NCOR1: variants seen among roughly 807,000 people sequenced by gnomAD.
The protein encoded by NCOR1 is nuclear receptor corepressor 1.
In NCOR1, 63 loss-of-function variants were observed where a neutral mutation model predicts 288.1. That is an observed-to-expected ratio of 0.22 (90% CI 0.18 to 0.27). The LOEUF (loss-of-function observed/expected upper bound fraction) is 0.27. Ranked by LOEUF, NCOR1 falls within the 10% of genes least tolerant of loss-of-function variation. The pLI is 1.00. For synonymous variants in NCOR1, 1,007 were observed against 1,065.9 expected (o/e 0.94, Z 1.08); for missense variants, 2,397 against 3,019.2 (o/e 0.79, Z 4.83).
chr17:16,103,299 T>C (rs1357571237), intron 19 of NCOR1, among the ~76,000 whole-genome samples: 1 of 152,220 alleles, frequency 6.6e-6, no homozygotes, highest in East Asian at 1.9e-4. Flanking sequence ...CTCTAAAAAT[T>C]TCTCTTGAAT....
In NCOR1 at chr17:16,031,255, G is replaced by A. The variant is rs750648876; in HGVS notation, c.*1041C>T. Reference sequence around the variant, plus strand: ...ACTGTGTTCACCATGAGTTTTTCAGGATGCAGCATAAAGCTTATCTAAATA... The same window carrying A: ...ACTGTGTTCACCATGAGTTTTTCAGAATGCAGCATAAAGCTTATCTAAATA... On this transcript the variant is annotated 3_prime_UTR_variant, in exon 46 of 46. Transcript: ENST00000268712. The A allele has an allele frequency of 5.1e-6, 1 of 197,090 alleles. No homozygotes were observed. Among genetic ancestry groups the A allele is most frequent in the African/African-American group, 2.3e-5 (1 of 43,366 alleles). 12.2% of individuals were successfully genotyped at this position (197,090 alleles called of 1,614,324 possible).
At chr17:16,212,478 A>C (rs1429586875) in intron 1 of NCOR1, among the ~76,000 whole-genome samples, 2 of 152,266 alleles carry the variant, frequency 1.3e-5, no homozygotes, top group Non-Finnish European at 2.9e-5. Flanking sequence ...ATTCTGATCA[A>C]TCTTTACTAG....
chr17:16,116,663 C>G (rs181566027), intron 18 of NCOR1, among the ~76,000 whole-genome samples: 3 of 152,116 alleles, frequency 2.0e-5, no homozygotes, highest in Non-Finnish European at 4.4e-5. Context: ...ACTTAGAACT[C>G]GAACAATTGC....
intron 18 of NCOR1, among the ~76,000 whole-genome samples, chr17:16,110,478 G>T (rs143342298): frequency 6.6e-6 from 1 of 152,062 alleles, no homozygotes; most frequent in East Asian, 1.9e-4. Context: ...TCGCATATAC[G>T]TAAGAGTACA....
At chr17:16,215,053 G>A (rs2092435561) in intron 1 of NCOR1, among the ~76,000 whole-genome samples, 1 of 152,188 alleles carries the variant, frequency 6.6e-6, no homozygotes, top group African/African-American at 2.4e-5. Context: ...CGCAGGCCCT[G>A]TAGGCTCCGC....
At chr17:16,127,574 T>TACATATGTGTATATATGTATGTATAC (rs1568205827) in intron 14 of NCOR1, among the ~76,000 whole-genome samples, 1 of 137,998 alleles carries the variant, frequency 7.2e-6, no homozygotes, top group Non-Finnish European at 1.5e-5. Flanking sequence ...TGTATGTATA[T>TACATATGTGTATATATGTATGTATAC]ATACATATGT....
chr17:16,079,148 G>A (rs1489384571), intron 26 of NCOR1, among the ~76,000 whole-genome samples: 1 of 152,154 alleles, frequency 6.6e-6, no homozygotes, highest in East Asian at 1.9e-4. Flanking sequence ...AACACAGACT[G>A]CCAGTCCCCA....
chr17:16,211,742 C>G (rs1005667048), intron 1 of NCOR1, among the ~76,000 whole-genome samples: 1 of 151,660 alleles, frequency 6.6e-6, no homozygotes, highest in Non-Finnish European at 1.5e-5. Context: ...ACACAAGCTA[C>G]TGGGGTAGGA....
At chr17:16,044,810 G>T in intron 42 of NCOR1, 1 of 1,101,902 alleles carries the variant, frequency 9.1e-7, no homozygotes. Flanking sequence ...CTACAATGTA[G>T]GGGCTGGTGG....
At chr17:16,166,795 CA>C (rs1436574446) in intron 4 of NCOR1, among the ~76,000 whole-genome samples, 1 of 151,700 alleles carries the variant, frequency 6.6e-6, no homozygotes, top group African/African-American at 2.4e-5. Context: ...TTTGTCTTCA[CA>C]TTGTCTTTTC....
At chr17:16,145,880 G>C (rs2077908612) in intron 10 of NCOR1, among the ~76,000 whole-genome samples, 1 of 152,206 alleles carries the variant, frequency 6.6e-6, no homozygotes, top group African/African-American at 2.4e-5. Flanking sequence ...CGAGAGTAGA[G>C]GGAGATCAGA....
At chr17:16,094,693 T>C (rs944553844) in intron 21 of NCOR1, among the ~76,000 whole-genome samples, 37 of 152,272 alleles carry the variant, frequency 2.4e-4, no homozygotes, top group Middle Eastern at 3.4e-3. Flanking sequence ...GCCTGCCGAG[T>C]GCCTGCGATT....
intron 10 of NCOR1, among the ~76,000 whole-genome samples, chr17:16,145,544 C>T (rs115005413): frequency 0.056 from 7,536 of 135,650 alleles, 334 homozygotes; most frequent in African/African-American, 0.095. Context: ...GTCTCTGCCC[C>T]GCCGCCACCC....
chr17:16,072,306 A>G, intron 28 of NCOR1, 78 bp from the exon 29 acceptor site: 1 of 1,130,446 alleles, frequency 8.8e-7, no homozygotes, highest in Admixed American at 2.2e-5. Context: ...CTGTTCTTAA[A>G]GTCTATGTTT....
At chr17:16,107,219 T>G (rs1207048927) in intron 19 of NCOR1, among the ~76,000 whole-genome samples, 1 of 151,978 alleles carries the variant, frequency 6.6e-6, no homozygotes, top group Non-Finnish European at 1.5e-5. Flanking sequence ...AATACCAGAC[T>G]TGGGCTTTGT....
At chr17:16,058,242 G>A (rs963492342) in intron 38 of NCOR1, 178 bp from the exon 39 acceptor site, 36 of 868,074 alleles carry the variant, frequency 4.1e-5, no homozygotes, top group Admixed American at 6.3e-5. Context: ...CTGAGGACTA[G>A]TGGAACAAAA....
At chr17:16,055,084 A>C (rs1230433775) in intron 40 of NCOR1, among the ~76,000 whole-genome samples, 1 of 152,198 alleles carries the variant, frequency 6.6e-6, no homozygotes, top group African/African-American at 2.4e-5. Context: ...TGGGAGTGTA[A>C]ATTAGTTCAA....
chr17:16,104,303 T>G (rs2068179795), intron 19 of NCOR1, among the ~76,000 whole-genome samples: 1 of 152,218 alleles, frequency 6.6e-6, no homozygotes, highest in Admixed American at 6.5e-5. Flanking sequence ...TAATTGTATA[T>G]AATAGACAGC....
In NCOR1 at chr17:16,058,022, C is replaced by A. The variant is rs200722329; in HGVS notation, c.6053G>T (p.Arg2018Leu). 65 of 1,613,794 alleles carry A rather than the reference C, an allele frequency of 4.0e-5. No individual in the cohort carries two copies. The highest frequency in any genetic ancestry group is 5.3e-5 in the Non-Finnish European group (63 of 1,179,992). The change falls in exon 39 of 46, where the codon CGA becomes CTA. Residue 2018 changes from arginine to leucine, a missense_variant. By Grantham distance (102) the Arg-to-Leu change is moderately radical. Around this residue, in one of 11 missense-constraint regions of NCOR1, gnomAD observed 1,872 missense variants for 2,187.8 expected, o/e 0.86. Transcript: ENST00000268712. ...GGGAGATGGTGATTCCTGCTGTGGT[C>A]GATAGTGATGTAATGGTCCTTCATA... is the stretch of plus-strand genomic sequence containing the variant. ...RQYEGPLHHY[R>L]PQQESPSPQQ...
Sources: allele counts gnomAD v4.1 joint callset (sites outside exome capture counted in the v4.1 genomes callset), GRCh38; gene constraint gnomAD v4.1.1; regional missense constraint gnomAD v4.1.1; transcripts MANE v1.5; gene names NCBI Gene and HGNC (gene_info 2026-07-23, HGNC 2026-07-21).